PACRGL: variants seen among roughly 807,000 people sequenced by gnomAD.
The protein encoded by PACRGL is parkin coregulated like, also known as PACRG-like protein.
A neutral mutation model predicts 34.5 loss-of-function variants in PACRGL; 38 were observed. That is an observed-to-expected ratio of 1.10 (90% CI 0.85 to 1.44). PACRGL has a LOEUF of 1.44. PACRGL is among the 40% of genes most tolerant of loss of function. The probability of loss-of-function intolerance (pLI) is 0.00; values close to 1 mark genes in which losing one functional copy is unlikely to be tolerated. For synonymous variants in PACRGL, 128 were observed against 100.1 expected (o/e 1.28, Z -1.66); for missense variants, 305 against 281.4 (o/e 1.08, Z -0.60).
At chr4:20,701,551 C>G (rs1732174967) in intron 1 of PACRGL, 1 of 219,252 alleles carries the variant, frequency 4.6e-6, no homozygotes, top group Admixed American at 5.0e-5. Flanking sequence ...CCCTTTACAC[C>G]ATCCTCTACA....
At chr4:20,716,236 A>G (rs1276480735) in intron 7 of PACRGL, 1 of 825,938 alleles carries the variant, frequency 1.2e-6, no homozygotes, top group South Asian at 1.5e-5. Context: ...AATAAAGATT[A>G]AAATCAGCAA....
chr4:20,731,881 T>A lies in PACRGL; in HGVS notation c.*4540T>A. On this transcript the variant is annotated 3_prime_UTR_variant, in exon 9 of 9. Transcript: ENST00000503585. ...AGAGTGGTAGGCTTATGCTGCATGT[T>A]GTAGAAGTGGTAAACTTAGGCATAT... is the stretch of plus-strand genomic sequence containing the variant. The A allele has an allele frequency of 6.8e-7, 1 of 1,466,704 alleles. No individual in the cohort carries two copies. Among genetic ancestry groups the A allele is most frequent in the Non-Finnish European group, 9.0e-7 (1 of 1,108,560 alleles). 90.9% of individuals were successfully genotyped at this position (1,466,704 alleles called of 1,614,324 possible).
chr4:20,755,362 A>G (rs1578540720), downstream of PACRGL, among the ~76,000 whole-genome samples: 1 of 152,334 alleles, frequency 6.6e-6, no homozygotes, highest in Admixed American at 6.5e-5. Context: ...GAAACAACTA[A>G]TACTTAAGTG....
intron 7 of PACRGL, among the ~76,000 whole-genome samples, chr4:20,713,920 A>G (rs138316318): frequency 0.042 from 6,351 of 151,998 alleles, 195 homozygotes; most frequent in South Asian, 0.084. Context: ...ACTTCCAACT[A>G]TGTGGTCAAT....
At chr4:20,715,636 G>A (rs545222089) in intron 7 of PACRGL, among the ~76,000 whole-genome samples, 1 of 152,216 alleles carries the variant, frequency 6.6e-6, no homozygotes, top group Non-Finnish European at 1.5e-5. Flanking sequence ...GGAGGCTGAG[G>A]TGGGTGGATT....
chr4:20,724,727 C>T, intron 7 of PACRGL, 81 bp from the exon 8 acceptor site: 3 of 659,116 alleles, frequency 4.6e-6, no homozygotes, highest in Non-Finnish European at 6.7e-6. Context: ...ACAAGGGGTG[C>T]TCCTGAAGAT....
intron 3 of PACRGL, among the ~76,000 whole-genome samples, chr4:20,706,920 A>G (rs532362607): frequency 3.3e-5 from 5 of 152,240 alleles, no homozygotes; most frequent in African/African-American, 7.2e-5. Context: ...ATTTTCTCCT[A>G]TGTGCTTTTA....
downstream of PACRGL, among the ~76,000 whole-genome samples, chr4:20,753,906 GTTCATTCATTCA>G (rs3835144): frequency 1.9e-4 from 29 of 151,302 alleles, no homozygotes; most frequent in South Asian, 1.5e-3. Flanking sequence ...GAGCTCATTT[GTTCATTCATTCA>G]TTCATTCATT....
At chr4:20,698,898 C>G (rs897230294), upstream of PACRGL, among the ~76,000 whole-genome samples, 8 of 152,126 alleles carry the variant, frequency 5.3e-5, no homozygotes, top group African/African-American at 1.9e-4. Flanking sequence ...TTCAATTGTC[C>G]TCTTAAATTT....
At chr4:20,704,963 CTG>C (rs1733880531) in intron 3 of PACRGL, 149 bp downstream of exon 3, 3 of 899,152 alleles carry the variant, frequency 3.3e-6, no homozygotes, top group Admixed American at 5.1e-5. Flanking sequence ...TGATGAAGAA[CTG>C]AGATAATCAG....
chr4:20,724,669 A>G (rs1469168103), intron 7 of PACRGL, 139 bp from the exon 8 acceptor site: 1 of 428,044 alleles, frequency 2.3e-6, no homozygotes, highest in African/African-American at 2.0e-5. Flanking sequence ...TACCTTATAC[A>G]TGTAAATTTC....
intron 8 of PACRGL, among the ~76,000 whole-genome samples, chr4:20,738,412 G>T (rs968324274): frequency 5.3e-5 from 8 of 152,002 alleles, no homozygotes; most frequent in African/African-American, 1.9e-4. Flanking sequence ...AAGATTTATG[G>T]GACCTACTCC....
intron 7 of PACRGL, among the ~76,000 whole-genome samples, chr4:20,718,470 T>C (rs1741259837): frequency 6.6e-6 from 1 of 152,156 alleles, no homozygotes; most frequent in African/African-American, 2.4e-5. Context: ...TGTGGGTGTG[T>C]CATAAATAGC....
chr4:20,705,218 G>C (rs1414156923), intron 3 of PACRGL, among the ~76,000 whole-genome samples: 1 of 152,100 alleles, frequency 6.6e-6, no homozygotes, highest in Non-Finnish European at 1.5e-5. Context: ...AGAAATCCTA[G>C]TTGTAGTACT....
chr4:20,767,073 A>G, the PACRGL span: 1 of 152,142 alleles, frequency 6.6e-6, no homozygotes, highest in East Asian at 1.9e-4. Flanking sequence ...GTACCATGGT[A>G]ATAGTTTAGG....
chr4:20,757,895 T>C (rs1467819137), downstream of PACRGL, among the ~76,000 whole-genome samples: 51 of 152,182 alleles, frequency 3.4e-4, no homozygotes, highest in Non-Finnish European at 1.5e-5. Flanking sequence ...AGAGTCTCTT[T>C]TTATGTCCTC....
Position 20,727,442 on chromosome 4 carries a change from T to G in PACRGL, c.*101T>G, listed in dbSNP as rs1746245054. 1.0e-6 allele frequency: 1 copy of G among 978,846 alleles called. No homozygotes were observed. Among genetic ancestry groups the G allele is most frequent in the Admixed American group, 2.1e-5 (1 of 48,738 alleles). The allele number at this position is 978,846 out of a possible 1,614,324, so 60.6% of individuals were successfully genotyped here. A position where few individuals can be genotyped will look rare whatever the true frequency, so the allele number is the denominator to read the frequency against. On this transcript the variant is annotated 3_prime_UTR_variant, in exon 9 of 9. Coordinates refer to ENST00000503585, the MANE Select transcript of PACRGL (RefSeq NM_001258345.3). ...ATTCTTTTGTAAATCACAGCCACCA[T>G]TCATTATTTACTAGGTTAAGATGAA...
At chr4:20,716,396 C>A (rs184395851) in intron 7 of PACRGL, 54 of 568,260 alleles carry the variant, frequency 9.5e-5, no homozygotes, top group Non-Finnish European at 1.5e-4. Context: ...ATGTGCACAA[C>A]GTGCAGGTTT....
At chr4:20,733,562 T>G (rs533870321), downstream of PACRGL, among the ~76,000 whole-genome samples, 2 of 152,296 alleles carry the variant, frequency 1.3e-5, no homozygotes, top group South Asian at 4.1e-4. Context: ...TGAAACCTTT[T>G]AAGATGTTTT....
Sources: allele counts gnomAD v4.1 joint callset (sites outside exome capture counted in the v4.1 genomes callset), GRCh38; gene constraint gnomAD v4.1.1; transcripts MANE v1.5; gene names NCBI Gene and HGNC (gene_info 2026-07-23, HGNC 2026-07-21).